KCND3: variants seen among roughly 807,000 people sequenced by gnomAD.
KCND3 encodes A-type voltage-gated potassium channel KCND3.
Under a neutral mutation model 51.1 loss-of-function variants are expected in KCND3, and 9 were observed. The ratio of observed to expected loss-of-function variants is 0.18; its 90% CI spans 0.11 to 0.31. KCND3 has a LOEUF of 0.31. Among genes scored for constraint, KCND3 ranks in the 10% least tolerant of loss-of-function variants. The pLI, the probability that KCND3 is intolerant of heterozygous loss-of-function variation, is 1.00. For missense variants in KCND3, 526 were observed against 903.8 expected (o/e 0.58, Z 5.36); for synonymous variants, 349 against 368.0 (o/e 0.95, Z 0.59).
intron 1 of KCND3, among the ~76,000 whole-genome samples, chr1:111,986,701 T>G (rs944203734): frequency 2.0e-5 from 3 of 152,234 alleles, no homozygotes; most frequent in Non-Finnish European, 4.4e-5. Flanking sequence ...AGCTTAGGTC[T>G]CATTGAGACC....
intron 2 of KCND3, among the ~76,000 whole-genome samples, chr1:111,850,058 T>A (rs995796210): frequency 6.6e-6 from 1 of 152,086 alleles, no homozygotes; most frequent in Non-Finnish European, 1.5e-5. Context: ...AGCCCATAAC[T>A]CATCAGACAT....
At chr1:111,877,348 C>G (rs947931767) in intron 2 of KCND3, among the ~76,000 whole-genome samples, 1 of 152,256 alleles carries the variant, frequency 6.6e-6, no homozygotes, top group Admixed American at 6.5e-5. Context: ...CTCCATCACA[C>G]TGGTTTCCTC....
At chr1:111,801,742 T>A (rs1351886556) in intron 2 of KCND3, among the ~76,000 whole-genome samples, 1 of 152,210 alleles carries the variant, frequency 6.6e-6, no homozygotes, top group East Asian at 1.9e-4. Context: ...GATCTGGCAT[T>A]CCCCACGCTG....
intron 2 of KCND3, among the ~76,000 whole-genome samples, chr1:111,852,067 G>T (rs1667842798): frequency 6.6e-6 from 1 of 152,248 alleles, no homozygotes; most frequent in African/African-American, 2.4e-5. Context: ...CACAGGCTCA[G>T]GTTTCTCCCC....
At chr1:111,923,035 C>T (rs1671547167) in intron 2 of KCND3, among the ~76,000 whole-genome samples, 1 of 152,228 alleles carries the variant, frequency 6.6e-6, no homozygotes, top group Non-Finnish European at 1.5e-5. Flanking sequence ...GGCCTGGTTC[C>T]ACCCTGTCCT....
At chr1:111,980,512 A>G (rs1036709932) in intron 2 of KCND3, among the ~76,000 whole-genome samples, 1 of 152,004 alleles carries the variant, frequency 6.6e-6, no homozygotes, top group African/African-American at 2.4e-5. Flanking sequence ...AAATCAAATC[A>G]CCAGGACACC....
intron 2 of KCND3, among the ~76,000 whole-genome samples, chr1:111,827,745 C>T (rs1456324537): frequency 3.9e-5 from 6 of 152,142 alleles, no homozygotes; most frequent in Non-Finnish European, 8.8e-5. Context: ...ATATTATCTT[C>T]ACTTTGCTCT....
intron 2 of KCND3, among the ~76,000 whole-genome samples, chr1:111,939,560 C>CT (rs1390735335): frequency 6.6e-6 from 1 of 152,168 alleles, no homozygotes; most frequent in Admixed American, 6.5e-5. Flanking sequence ...TGAACTCATC[C>CT]TTTTTTATGG....
chr1:111,833,753 C>T (rs1245690574), intron 2 of KCND3, among the ~76,000 whole-genome samples: 1 of 152,140 alleles, frequency 6.6e-6, no homozygotes, highest in Non-Finnish European at 1.5e-5. Flanking sequence ...TATCTCCTCA[C>T]ATAGATAGCT....
At chr1:111,976,940 G>T (rs1461596953) in intron 2 of KCND3, among the ~76,000 whole-genome samples, 1 of 152,246 alleles carries the variant, frequency 6.6e-6, no homozygotes, top group African/African-American at 2.4e-5. Context: ...AATAAGTGTT[G>T]AACGAATGAA....
intron 2 of KCND3, among the ~76,000 whole-genome samples, chr1:111,797,180 C>A (rs1167770264): frequency 6.6e-6 from 1 of 152,232 alleles, no homozygotes; most frequent in African/African-American, 2.4e-5. Flanking sequence ...CTAGGCATCA[C>A]TGATGTTGGT....
At chr1:111,892,434 C>G (rs1330973693) in intron 2 of KCND3, among the ~76,000 whole-genome samples, 1 of 152,200 alleles carries the variant, frequency 6.6e-6, no homozygotes, top group Non-Finnish European at 1.5e-5. Context: ...GGAAGGGGCT[C>G]TGGTGCCCAT....
At chr1:111,912,332 T>A (rs1158501439) in intron 2 of KCND3, among the ~76,000 whole-genome samples, 1 of 152,272 alleles carries the variant, frequency 6.6e-6, no homozygotes, top group Non-Finnish European at 1.5e-5. Context: ...TGTAGTGCAA[T>A]GCATTACTCA....
intron 2 of KCND3, chr1:111,909,432 A>G (rs977358440): frequency 3.9e-5 from 6 of 152,240 alleles, no homozygotes; most frequent in Admixed American, 1.3e-4. Flanking sequence ...CATTTTGTCC[A>G]TGTGAATGTC....
At chr1:111,783,199 C>CAAA (rs67241053) in intron 3 of KCND3, among the ~76,000 whole-genome samples, 56 of 72,304 alleles carry the variant, frequency 7.7e-4, no homozygotes, top group East Asian at 1.3e-3. Context: ...AATTCAAAGA[C>CAAA]AAAAAAAAAA....
rs1167878192 is a variant in KCND3, at chr1:111,980,499, A to C, written c.1106+1122T>G. 3.3e-5 allele frequency among the ~76,000 whole-genome samples: 5 copies of C among 152,030 alleles called. No individual in the cohort carries two copies. In the East Asian group the frequency reaches 9.6e-4, roughly 29 times the overall value. On this transcript the variant is annotated intron_variant, in intron 2 of 7. Coordinates refer to ENST00000302127, the MANE Select transcript of KCND3 (RefSeq NM_001378969.1). The stretch of plus-strand genomic sequence containing the variant: ...GCCTCTGGGTTTTGGCCAGGAAAAA[A>C]AAAAATCAAATCACCAGGACACCAC...
chr1:111,869,498 G>C (rs1668738550), intron 2 of KCND3, among the ~76,000 whole-genome samples: 1 of 152,180 alleles, frequency 6.6e-6, no homozygotes, highest in South Asian at 2.1e-4. Context: ...TTCTTCCAGG[G>C]ATTGGCCTAA....
intron 2 of KCND3, among the ~76,000 whole-genome samples, chr1:111,815,554 T>C (rs77709428): frequency 0.015 from 2,318 of 150,256 alleles, 56 homozygotes; most frequent in African/African-American, 0.053. Flanking sequence ...GGCCTGACTT[T>C]AGCAAGACTC....
chr1:111,778,485 G>T lies in KCND3; in HGVS notation c.1469C>A (p.Ser490Tyr). The T allele has an allele frequency of 6.2e-7, 1 of 1,613,852 alleles. No homozygotes were observed. Among genetic ancestry groups the T allele is most frequent in the Non-Finnish European group, 8.5e-7 (1 of 1,179,792 alleles). The change falls in exon 6 of 8, where the codon TCC (serine) becomes TAC (tyrosine). Residue 490 changes from serine (S) to tyrosine (Y), a missense_variant. Ser to Tyr is a moderately radical substitution (Grantham distance 144, BLOSUM62 -2). Coordinates refer to ENST00000302127, the MANE Select transcript of KCND3 (RefSeq NM_001378969.1). ...LHCLEKTTGL[S>Y]YLVDDPLLSV... ...TAACAGGGGATCATCCACAAGATAGGACAACCCCTACAGGACAACATGCCA... is the reference window on the plus strand; with the variant it reads ...TAACAGGGGATCATCCACAAGATAGTACAACCCCTACAGGACAACATGCCA...
Sources: gnomAD v4.1 joint callset for allele counts (sites outside exome capture counted in the v4.1 genomes callset) on GRCh38, gnomAD v4.1.1 for gene constraint, MANE v1.5 for transcripts, NCBI Gene and HGNC (gene_info 2026-07-23, HGNC 2026-07-21) for gene names.